The following EDA variants were observed in gnomAD, a reference collection of about 807,000 sequenced individuals.
EDA encodes the protein ectodysplasin-A.
Under a neutral mutation model 23.6 loss-of-function variants are expected in EDA, and 2 were observed. That is an observed-to-expected ratio of 0.08 (90% CI 0.03 to 0.27). EDA has a LOEUF of 0.27. Ranked by LOEUF, EDA falls within the 10% of genes least tolerant of loss-of-function variation. The pLI is 1.00. For missense variants in EDA, 229 were observed against 324.2 expected (o/e 0.71, Z 2.26); for synonymous variants, 131 against 132.0 (o/e 0.99, Z 0.05).
intron 1 of EDA, among the ~76,000 whole-genome samples, chrX:69,647,454 A>AT (rs1312547015): frequency 9.1e-6 from 1 of 110,045 alleles, no homozygotes; most frequent in Non-Finnish European, 1.9e-5. Flanking sequence ...AAGCACTGAG[A>AT]TTTTTTCCTC....
intron 2 of EDA, among the ~76,000 whole-genome samples, chrX:70,012,895 G>A (rs2019896462): frequency 8.9e-6 from 1 of 112,452 alleles, no homozygotes; most frequent in African/African-American, 3.2e-5. Flanking sequence ...CTGGGACAGA[G>A]CTCCCAGTGG....
chrX:69,665,520 G>A (rs980895641), intron 1 of EDA, among the ~76,000 whole-genome samples: 9 of 111,212 alleles, frequency 8.1e-5, no homozygotes, highest in African/African-American at 2.3e-4. Flanking sequence ...TCTTTTGCAC[G>A]TGGAAATCCA....
intron 1 of EDA, among the ~76,000 whole-genome samples, chrX:69,655,402 C>G (rs1032163634): frequency 9.0e-6 from 1 of 110,713 alleles, no homozygotes; most frequent in African/African-American, 3.3e-5. Context: ...CAAAAACAAA[C>G]AAGCAATCAA....
At chrX:69,721,711 T>TTC (rs1454068234) in intron 1 of EDA, among the ~76,000 whole-genome samples, 2 of 111,517 alleles carry the variant, frequency 1.8e-5, no homozygotes, top group Non-Finnish European at 3.8e-5. Flanking sequence ...TAGGTGGTCT[T>TTC]TCTCTGTGGA....
intron 2 of EDA, among the ~76,000 whole-genome samples, chrX:69,972,524 G>A (rs2019262412): frequency 9.0e-6 from 1 of 111,701 alleles, no homozygotes; most frequent in African/African-American, 3.3e-5. Flanking sequence ...GTAACAAAAT[G>A]TTTGCAGTAC....
intron 1 of EDA, among the ~76,000 whole-genome samples, chrX:69,764,546 T>A (rs1045597288): frequency 2.7e-5 from 3 of 110,673 alleles, no homozygotes; most frequent in African/African-American, 9.9e-5. Context: ...CCCTGCCCGT[T>A]TCTTATTCTT....
At chrX:69,759,223 C>G (rs1200844914) in intron 1 of EDA, among the ~76,000 whole-genome samples, 2 of 112,165 alleles carry the variant, frequency 1.8e-5, no homozygotes, top group East Asian at 5.6e-4. Flanking sequence ...GGTCCAGTGT[C>G]ATTTTTCTGT....
At chrX:69,966,928 T>C (rs779742402) in intron 2 of EDA, among the ~76,000 whole-genome samples, 140 of 109,207 alleles carry the variant, frequency 1.3e-3, no homozygotes, top group African/African-American at 4.5e-3. Context: ...TTATTTTATA[T>C]GTAAACATAT....
rs2018688844 is a variant in EDA at position 69,937,381 on chromosome X, C to A, written c.397-19646C>A. The A allele has an allele frequency of 9.3e-6, 6 of 647,578 alleles. No individual in the cohort carries two copies. The Admixed American group carries it at 1.3e-4, about 14-fold the overall frequency. The allele number at this position is 647,578 out of a possible 1,213,427, so 53.4% of individuals were successfully genotyped here. A position where few individuals can be genotyped will look rare whatever the true frequency, so the allele number is the denominator to read the frequency against. ...ATCTATGCCAGCTCTAACTGTTCTG[C>A]CACCTCCTGTAATCCATCTTTGAGA... On this transcript the variant is annotated intron_variant, in intron 1 of 7. Transcript: ENST00000374552.
chrX:69,995,567 A>G (rs1330760383), intron 2 of EDA, among the ~76,000 whole-genome samples: 2 of 111,564 alleles, frequency 1.8e-5, no homozygotes, highest in African/African-American at 6.5e-5. Context: ...TAATGAAGTC[A>G]TGTTCTGTGC....
chrX:69,690,512 T>G (rs183946192), intron 1 of EDA, among the ~76,000 whole-genome samples: 1 of 111,805 alleles, frequency 8.9e-6, no homozygotes, highest in Admixed American at 9.6e-5. Context: ...ATACAATCCT[T>G]TTTATATATT....
At chrX:69,929,579 C>T in intron 1 of EDA, among the ~76,000 whole-genome samples, 1 of 110,136 alleles carries the variant, frequency 9.1e-6, no homozygotes, top group Admixed American at 9.7e-5. Context: ...TTACCAGTGA[C>T]CTTCCACTCC....
At position 69,823,326 on chromosome X, in the gene EDA, G is replaced by A. The variant is rs6625517; in HGVS notation, c.397-133701G>A. 0.063 allele frequency among the ~76,000 whole-genome samples: 5,284 copies of A among 83,373 alleles called. 735 individuals are homozygous for A. In the East Asian group the frequency reaches 0.65, roughly 10 times the overall value. The allele number at this position is 83,373 out of a possible 115,157, so 72.4% of individuals were successfully genotyped here. ...ACAGTCCCACCAACAGTGTAAAAGT[G>A]TTCCTATTTTTCCACATCCTCTCCA... On this transcript the variant is annotated intron_variant, in intron 1 of 7. Coordinates refer to ENST00000374552, the MANE Select transcript of EDA (RefSeq NM_001399.5).
intron 1 of EDA, among the ~76,000 whole-genome samples, chrX:69,870,530 A>G (rs1227396330): frequency 9.0e-6 from 1 of 110,996 alleles, no homozygotes; most frequent in Admixed American, 9.6e-5. Context: ...CTGTTGCCTC[A>G]GGCAGTGCAG....
intron 1 of EDA, among the ~76,000 whole-genome samples, chrX:69,766,600 C>T (rs2014477153): frequency 8.9e-6 from 1 of 111,881 alleles, no homozygotes; most frequent in Non-Finnish European, 1.9e-5. Context: ...GCTCTATTCA[C>T]GTTCCTGCAG....
intron 1 of EDA, among the ~76,000 whole-genome samples, chrX:69,822,418 A>G (rs1352189145): frequency 9.0e-6 from 1 of 111,701 alleles, no homozygotes; most frequent in Non-Finnish European, 1.9e-5. Context: ...AGCATAACTT[A>G]TAGATGAACT....
intron 1 of EDA, among the ~76,000 whole-genome samples, chrX:69,754,382 G>T (rs1307939408): frequency 8.9e-6 from 1 of 111,857 alleles, no homozygotes; most frequent in Non-Finnish European, 1.9e-5. Context: ...CAAGAATGTT[G>T]AATATTGGCC....
intron 1 of EDA, among the ~76,000 whole-genome samples, chrX:69,638,472 A>G (rs751514901): frequency 1.8e-5 from 2 of 112,312 alleles, no homozygotes; most frequent in African/African-American, 6.5e-5. Context: ...TCCCATTTGT[A>G]GTAAGGGTTT....
intron 1 of EDA, among the ~76,000 whole-genome samples, chrX:69,739,939 A>G (rs184821140): frequency 9.0e-6 from 1 of 111,382 alleles, no homozygotes; most frequent in Non-Finnish European, 1.9e-5. Flanking sequence ...AAGAAGAGCA[A>G]TTACATTTAT....
Sources: allele counts gnomAD v4.1 joint callset (sites outside exome capture counted in the v4.1 genomes callset), GRCh38; gene constraint gnomAD v4.1.1; transcripts MANE v1.5; gene names NCBI Gene and HGNC (gene_info 2026-07-23, HGNC 2026-07-21).